Variants in KANK1 observed in about 807,000 individuals in gnomAD.
The protein encoded by KANK1 is KN motif and ankyrin repeat domains 1.
A neutral mutation model predicts 106.2 loss-of-function variants in KANK1; 109 were observed. The observed-to-expected ratio is 1.03, with a 90% confidence interval of 0.88 to 1.20. The LOEUF is 1.20. KANK1 is among the 50% of genes most tolerant of loss of function. The pLI is 0.00. For missense variants in KANK1, 2,399 were observed against 1,710.7 expected (o/e 1.40, Z -7.10); for synonymous variants, 873 against 652.2 (o/e 1.34, Z -5.16).
rs191918113 is a variant in KANK1, at chr9:638,373, C to T, written c.-83-38517C>T. Among the ~76,000 whole-genome samples, 477 of 152,320 alleles carry T rather than the reference C, an allele frequency of 3.1e-3. 5 individuals carry two copies. In the Middle Eastern group the frequency reaches 0.034, roughly 11 times the overall value. On this transcript the variant is annotated intron_variant, in intron 1 of 11. Transcript: ENST00000382297. ...ATCATATTCGCCACTTTTGCTTTCT[C>T]TTCCTACATGGGTCCTGAGGTTTTG...
rs74738076 is a variant in KANK1 at position 722,909 on chromosome 9, G to A, written c.2699-7142G>A. 7.3e-3 allele frequency among the ~76,000 whole-genome samples: 1,110 copies of A among 152,226 alleles called. 5 individuals are homozygous for A. Among genetic ancestry groups the A allele is most frequent in the Non-Finnish European group, 0.011 (746 of 68,002 alleles). ...GCTGACCATCTCATTGAGGAGACAG[G>A]GCATATTTGAATCTGGACCGTAAGT... On this transcript the variant is annotated intron_variant, in intron 3 of 11. Coordinates refer to ENST00000382297, the MANE Select transcript of KANK1 (RefSeq NM_015158.5).
intron 1 of KANK1, among the ~76,000 whole-genome samples, chr9:591,975 A>G (rs1479725667): frequency 6.6e-6 from 1 of 151,644 alleles, no homozygotes; most frequent in Non-Finnish European, 1.5e-5. Context: ...ATCATTTCTT[A>G]TTAACTTACT....
At chr9:599,668 G>T (rs1195276048) in intron 1 of KANK1, among the ~76,000 whole-genome samples, 1 of 151,842 alleles carries the variant, frequency 6.6e-6, no homozygotes, top group Non-Finnish European at 1.5e-5. Context: ...TCCACGTGCA[G>T]GTCTGCTTTT....
At chr9:644,538 C>T (rs541738106) in intron 1 of KANK1, among the ~76,000 whole-genome samples, 1 of 150,716 alleles carries the variant, frequency 6.6e-6, no homozygotes, top group Non-Finnish European at 1.5e-5. Context: ...GTGGCCAGAG[C>T]AGGAGGAAGA....
intron 1 of KANK1, among the ~76,000 whole-genome samples, chr9:563,404 C>CT (rs1816994990): frequency 6.6e-6 from 1 of 152,136 alleles, no homozygotes; most frequent in Non-Finnish European, 1.5e-5. Flanking sequence ...GAGTGATAGT[C>CT]TGTGTCAGTT....
At chr9:627,050 A>AG (rs905369364) in intron 1 of KANK1, among the ~76,000 whole-genome samples, 3 of 147,164 alleles carry the variant, frequency 2.0e-5, no homozygotes, top group African/African-American at 7.5e-5. Context: ...CTTTATTCCA[A>AG]GGGGGAAAAA....
At chr9:627,567 C>T (rs533531564) in intron 1 of KANK1, among the ~76,000 whole-genome samples, 4 of 151,948 alleles carry the variant, frequency 2.6e-5, no homozygotes, top group African/African-American at 9.7e-5. Flanking sequence ...AATGAACAAT[C>T]TTCTTGTTTT....
At chr9:624,916 C>T (rs569509360) in intron 1 of KANK1, among the ~76,000 whole-genome samples, 2 of 152,342 alleles carry the variant, frequency 1.3e-5, no homozygotes, top group East Asian at 1.9e-4. Context: ...GGACAGGCTT[C>T]AGTTTAAAAG....
Position 712,397 on chromosome 9 carries a change from C to A in KANK1, c.1631C>A (p.Thr544Lys). Residue 544 changes from threonine (T) to lysine (K), a missense_variant, in exon 3 of 12, where the codon ACA becomes AAA. Thr to Lys is a moderately conservative substitution (Grantham distance 78, BLOSUM62 -1). Transcript: ENST00000382297. ...ACGTGTGTTGGGACCTCCGTGGAAA[C>A]AAACAGTGTAGGCATCTCCTGCCAG... ...VDTCVGTSVE[T>K]NSVGISCQPE... 1 of 1,614,142 alleles carries A rather than the reference C, an allele frequency of 6.2e-7. No individual in the cohort carries two copies. The highest frequency in any genetic ancestry group is 8.5e-7 in the Non-Finnish European group (1 of 1,180,036).
At chr9:621,360 C>A (rs922120178) in intron 1 of KANK1, among the ~76,000 whole-genome samples, 4 of 152,114 alleles carry the variant, frequency 2.6e-5, no homozygotes, top group Admixed American at 6.6e-5. Context: ...GCAAAGTCTT[C>A]ATATGCACTG....
At chr9:683,629 T>C (rs1817990739) in intron 2 of KANK1, among the ~76,000 whole-genome samples, 1 of 152,220 alleles carries the variant, frequency 6.6e-6, no homozygotes, top group South Asian at 2.1e-4. Context: ...GTGAAAAGGA[T>C]GTAGTTCAGA....
chr9:673,200 CTTTTTTTTT>C (rs542647158), intron 1 of KANK1, among the ~76,000 whole-genome samples: 3 of 97,856 alleles, frequency 3.1e-5, no homozygotes, highest in East Asian at 5.5e-4. Flanking sequence ...ACAGTGTCTT[CTTTTTTTTT>C]TTTTTTTTTT....
chr9:600,519 TAAATA>T (rs1330949751), intron 1 of KANK1, among the ~76,000 whole-genome samples: 11 of 151,910 alleles, frequency 7.2e-5, no homozygotes, highest in African/African-American at 2.7e-4. Flanking sequence ...AGAATATAAA[TAAATA>T]AAATGAAGTC....
At chr9:597,538 C>T (rs1307093407) in intron 1 of KANK1, among the ~76,000 whole-genome samples, 1 of 151,346 alleles carries the variant, frequency 6.6e-6, no homozygotes, top group East Asian at 1.9e-4. Context: ...AGTCCTTTGC[C>T]CATTTAAAAA....
In KANK1 at chr9:513,074, G is replaced by C. The variant is rs137973608; in HGVS notation, c.-84+8320G>C. ...GTTGAGGCTTGACAATGAGGCTCTT[G>C]TTAAAACACTCCAGCCACTAAAAAT... On this transcript the variant is annotated intron_variant, in intron 1 of 11. Transcript: ENST00000382297. Among the ~76,000 whole-genome samples, 599 of 152,300 alleles carry C rather than the reference G, an allele frequency of 3.9e-3. 2 individuals carry two copies. Among genetic ancestry groups the C allele is most frequent in the African/African-American group, 0.013 (524 of 41,554 alleles).
intron 1 of KANK1, among the ~76,000 whole-genome samples, chr9:675,254 G>A (rs940828377): frequency 6.6e-6 from 1 of 152,076 alleles, no homozygotes; most frequent in Non-Finnish European, 1.5e-5. Flanking sequence ...TGATTTCAAT[G>A]GCTGCATTAG....
intron 10 of KANK1, among the ~76,000 whole-genome samples, 187 bp downstream of exon 10, chr9:742,592 C>A (rs907625936): frequency 6.6e-6 from 1 of 152,162 alleles, no homozygotes; most frequent in East Asian, 1.9e-4. Flanking sequence ...CAAACTAACA[C>A]GCTCATAAAC....
intron 1 of KANK1, among the ~76,000 whole-genome samples, chr9:661,154 T>C (rs1843213026): frequency 6.6e-6 from 1 of 152,184 alleles, no homozygotes; most frequent in Non-Finnish European, 1.5e-5. Flanking sequence ...ATTTAAGTTC[T>C]AGGGTACATG....
chr9:617,735 C>T (rs1229153204), intron 1 of KANK1, among the ~76,000 whole-genome samples: 1 of 152,246 alleles, frequency 6.6e-6, no homozygotes, highest in Admixed American at 6.5e-5. Context: ...AGCAGACATT[C>T]CGATCAGCAG....
Sources: allele counts gnomAD v4.1 joint callset (sites outside exome capture counted in the v4.1 genomes callset), GRCh38; gene constraint gnomAD v4.1.1; transcripts MANE v1.5; gene names NCBI Gene and HGNC (gene_info 2026-07-23, HGNC 2026-07-21).